Variants in BCORL1 observed in about 807,000 individuals in gnomAD.
The protein encoded by BCORL1 is BCL6 corepressor like 1.
A neutral mutation model predicts 87.6 loss-of-function variants in BCORL1; 7 were observed. That is an observed-to-expected ratio of 0.08 (90% CI 0.05 to 0.15). The LOEUF (loss-of-function observed/expected upper bound fraction) is 0.15. Ranked by LOEUF, BCORL1 falls within the 10% of genes least tolerant of loss-of-function variation. The pLI, the probability that BCORL1 is intolerant of heterozygous loss-of-function variation, is 1.00. For synonymous variants in BCORL1, 591 were observed against 634.4 expected, an observed-to-expected ratio of 0.93 and a Z score of 1.03; for missense variants, 1,215 against 1,499.7, an observed-to-expected ratio of 0.81 and a Z score of 3.13.
chrX:130,032,548 GAAGGTGCATAAGAGCATGAA>G (rs1395599774), intron 8 of BCORL1, among the ~76,000 whole-genome samples: 3 of 111,198 alleles, frequency 2.7e-5, no homozygotes, highest in Non-Finnish European at 5.7e-5. Context: ...ACTGTAGGAG[GAAGGTGCATAAGAGCATGAA>G]GATCAGGGGA....
chrX:130,012,027 A>G (rs1281246528), intron 2 of BCORL1, among the ~76,000 whole-genome samples: 5 of 112,133 alleles, frequency 4.5e-5, no homozygotes, highest in Non-Finnish European at 7.5e-5. Flanking sequence ...TGCTCTAGGC[A>G]AGACAGGAGG....
intron 11 of BCORL1, among the ~76,000 whole-genome samples, chrX:130,045,385 G>T (rs1463306899): frequency 3.6e-5 from 4 of 111,318 alleles, no homozygotes; most frequent in Non-Finnish European, 7.5e-5. Context: ...TGAATCACAG[G>T]TTATTGTTTT....
chrX:130,037,306 G>C lies in BCORL1; in HGVS notation c.4528-61G>C, dbSNP rs1490498785. The C allele has an allele frequency of 7.1e-6, 8 of 1,127,094 alleles. No homozygotes were observed. In the African/African-American group the frequency reaches 9.0e-5, roughly 13 times the overall value. The allele number at this position is 1,127,094 out of a possible 1,213,427, so 92.9% of individuals were successfully genotyped here. A position where few individuals can be genotyped will look rare whatever the true frequency, so the allele number is the denominator to read the frequency against. ...ATATTTGGGGAGCTTTGAGTCTCAG[G>C]GTTATATAAGTTCAAGAATTAGACC... On this transcript the variant is annotated intron_variant, in intron 9 of 13. Transcript: ENST00000540052.
intron 1 of BCORL1, among the ~76,000 whole-genome samples, chrX:129,997,723 C>T (rs1367063839): frequency 2.1e-5 from 2 of 94,372 alleles, no homozygotes; most frequent in Admixed American, 1.4e-4. Context: ...ACCCAGGAGG[C>T]GGAGGTTGCA....
intron 8 of BCORL1, among the ~76,000 whole-genome samples, chrX:130,033,238 C>T (rs1189250554): frequency 9.0e-6 from 1 of 110,743 alleles, no homozygotes; most frequent in Non-Finnish European, 1.9e-5. Context: ...TGTACCACCA[C>T]GCCCAGCTGA....
chrX:130,026,059 G>C (rs1930229213), intron 7 of BCORL1, among the ~76,000 whole-genome samples: 2 of 111,701 alleles, frequency 1.8e-5, no homozygotes, highest in African/African-American at 6.5e-5. Context: ...ACTGTCACAA[G>C]ATGCTAATAT....
intron 10 of BCORL1, among the ~76,000 whole-genome samples, chrX:130,038,714 T>C (rs1490434051): frequency 9.0e-6 from 1 of 111,516 alleles, no homozygotes; most frequent in Non-Finnish European, 1.9e-5. Flanking sequence ...ACTCTTGGCC[T>C]CAAGTGATCC....
chrX:130,055,612 C>T (rs1170747888), intron 13 of BCORL1, among the ~76,000 whole-genome samples: 1 of 112,834 alleles, frequency 8.9e-6, no homozygotes, highest in Non-Finnish European at 1.9e-5. Flanking sequence ...TCACTGATTG[C>T]GTGCTCACCA....
At chrX:130,018,842 C>CT (rs1022786614) in intron 4 of BCORL1, among the ~76,000 whole-genome samples, 5 of 111,060 alleles carry the variant, frequency 4.5e-5, no homozygotes, top group African/African-American at 6.5e-5. Context: ...TTCGTTCCTT[C>CT]TTTTTTTTTA....
intron 4 of BCORL1, among the ~76,000 whole-genome samples, chrX:130,019,208 C>T (rs1013408491): frequency 8.9e-6 from 1 of 112,255 alleles, no homozygotes; most frequent in Admixed American, 9.4e-5. Context: ...TCAGGTGATC[C>T]GCTGGCCTTG....
chrX:130,024,605 T>A (rs1423047031), intron 6 of BCORL1, among the ~76,000 whole-genome samples: 1 of 111,227 alleles, frequency 9.0e-6, no homozygotes, highest in Non-Finnish European at 1.9e-5. Flanking sequence ...TCTCCTGCCC[T>A]TCACAAAATA....
Position 130,013,737 on chromosome X carries a change from C to T in BCORL1, c.965C>T (p.Pro322Leu), listed in dbSNP as rs1464711235. 11 of 1,197,398 alleles carry T rather than the reference C, an allele frequency of 9.2e-6. No individual in the cohort carries two copies. Among genetic ancestry groups the T allele is most frequent in the Non-Finnish European group, 1.2e-5 (11 of 888,387 alleles). Reference protein sequence around the residue: ...PPLALIQAPVPPSAPTLVLAP... With the variant: ...PPLALIQAPVLPSAPTLVLAP... ...TTGGCTCTCATCCAGGCTCCTGTGCCCCCTTCAGCTCCGACCTTGGTTCTC... is the reference window on the plus strand; with the variant it reads ...TTGGCTCTCATCCAGGCTCCTGTGCTCCCTTCAGCTCCGACCTTGGTTCTC... The change falls in exon 4 of 14, where the codon CCC becomes CTC. Residue 322 changes from proline (P) to leucine (L), a missense_variant. Pro to Leu is a moderately conservative substitution (Grantham distance 98). This residue lies in a region of BCORL1 where 861 missense variants were observed against 1,010.0 expected (regional missense o/e 0.85). Coordinates refer to ENST00000540052, the MANE Select transcript of BCORL1 (RefSeq NM_001379451.1).
At chrX:130,022,166 C>G (rs1237796619) in intron 5 of BCORL1, among the ~76,000 whole-genome samples, 1 of 109,416 alleles carries the variant, frequency 9.1e-6, no homozygotes, top group African/African-American at 3.3e-5. Flanking sequence ...CTCCAAGATT[C>G]ACTGAGGTTG....
chrX:129,995,037 G>A (rs1927453012), intron 1 of BCORL1, among the ~76,000 whole-genome samples: 1 of 109,986 alleles, frequency 9.1e-6, no homozygotes, highest in Non-Finnish European at 1.9e-5. Context: ...ACAGAGTCTC[G>A]CTCTGTTGCT....
At chrX:130,009,770 G>A (rs1176883264) in intron 2 of BCORL1, among the ~76,000 whole-genome samples, 6 of 110,664 alleles carry the variant, frequency 5.4e-5, no homozygotes, top group Admixed American at 9.6e-5. Flanking sequence ...CTCTGTGGTG[G>A]GAAGAAACAG....
At position 130,025,238 on chromosome X, in the gene BCORL1, G is replaced by A; in HGVS notation, c.3937G>A (p.Asp1313Asn). Residue 1313 changes from aspartate (D) to asparagine (N), a missense_variant, in exon 7 of 14, where the codon GAC becomes AAC. Physicochemically the swap from Asp to Asn is conservative, Grantham distance 23 (BLOSUM62 1). Around this residue, in one of 5 missense-constraint regions of BCORL1, gnomAD observed 166 missense variants for 196.5 expected, o/e 0.84. Coordinates refer to ENST00000540052, the MANE Select transcript of BCORL1 (RefSeq NM_001379451.1). ...GACAGAGGCTGCCCGGCAAATGTGG[G>A]ACACCAATGAGGAGGAGGAGGAAGA... Reference protein sequence around the residue: ...WRTEAARQMWDTNEEEEEEEE... With the variant: ...WRTEAARQMWNTNEEEEEEEE... The A allele has an allele frequency of 8.3e-7, 1 of 1,211,195 alleles. No individual in the cohort carries two copies.
intron 11 of BCORL1, among the ~76,000 whole-genome samples, chrX:130,043,767 TA>T (rs1931516652): frequency 1.1e-4 from 2 of 18,334 alleles, no homozygotes; most frequent in African/African-American, 7.9e-4. Flanking sequence ...TATATATATA[TA>T]TATATATATA....
At chrX:130,009,197 A>T (rs779691874) in intron 2 of BCORL1, among the ~76,000 whole-genome samples, 1 of 110,821 alleles carries the variant, frequency 9.0e-6, no homozygotes, top group Non-Finnish European at 1.9e-5. Flanking sequence ...GGGCACGGTG[A>T]CTCACGCCTA....
At chrX:130,031,572 T>A (rs1387393874) in intron 8 of BCORL1, among the ~76,000 whole-genome samples, 2 of 111,809 alleles carry the variant, frequency 1.8e-5, no homozygotes, top group African/African-American at 6.5e-5. Context: ...TCACATGAGA[T>A]CAGGAGTTTG....
Sources: gnomAD v4.1 joint callset for allele counts (sites outside exome capture counted in the v4.1 genomes callset) on GRCh38, gnomAD v4.1.1 for gene constraint, gnomAD v4.1.1 regional missense constraint, MANE v1.5 for transcripts, NCBI Gene and HGNC (gene_info 2026-07-23, HGNC 2026-07-21) for gene names.